PCDHGA5: variants seen among roughly 807,000 people sequenced by gnomAD.
The protein encoded by PCDHGA5 is protocadherin gamma-A5.
PCDHGA5 carries 36 observed loss-of-function variants against 56.7 expected under a neutral mutation model. The ratio of observed to expected loss-of-function variants is 0.64; its 90% confidence interval spans 0.49 to 0.84. The LOEUF (loss-of-function observed/expected upper bound fraction) is 0.84, where lower values mean the gene tolerates loss of function less well. Ranked by LOEUF, PCDHGA5 falls within the 40% of genes least tolerant of loss-of-function variation. The pLI, the probability that PCDHGA5 is intolerant of heterozygous loss-of-function variation, is 0.00. For synonymous variants in PCDHGA5, 563 were observed against 520.2 expected, an observed-to-expected ratio of 1.08 and a Z score of -1.12; for missense variants, 1,305 against 1,201.5, an observed-to-expected ratio of 1.09 and a Z score of -1.27.
At chr5:141,375,620 A>T in intron 1 of PCDHGA5, 1 of 1,614,156 alleles carries the variant, frequency 6.2e-7, no homozygotes, top group African/African-American at 1.3e-5. Flanking sequence ...CGACACTGGG[A>T]TTCTGTACGC....
At chr5:141,478,189 C>T (rs774322691) in intron 1 of PCDHGA5, 1 of 1,614,020 alleles carries the variant, frequency 6.2e-7, no homozygotes, top group South Asian at 1.1e-5. Context: ...AAAATCTCAC[C>T]TTTTATCTAC....
intron 1 of PCDHGA5, among the ~76,000 whole-genome samples, chr5:141,494,496 T>A (rs147870810): frequency 2.9e-3 from 442 of 152,264 alleles, no homozygotes; most frequent in Non-Finnish European, 4.9e-3. Flanking sequence ...ATGCCTTCAG[T>A]CCTTGAATTT....
intron 1 of PCDHGA5, chr5:141,394,850 G>A (rs778925348): frequency 1.1e-5 from 17 of 1,613,702 alleles, no homozygotes; most frequent in Non-Finnish European, 1.4e-5. Context: ...GCAGTCTGAA[G>A]CCTTCGGTCG....
At chr5:141,428,184 C>A in intron 1 of PCDHGA5, 32 of 1,463,670 alleles carry the variant, frequency 2.2e-5, no homozygotes, top group Non-Finnish European at 3.0e-5. Context: ...GGAGGACAGC[C>A]GCCGCTCTCT....
chr5:141,492,050 C>CT, intron 1 of PCDHGA5: 1 of 501,102 alleles, frequency 2.0e-6, no homozygotes, highest in Non-Finnish European at 3.5e-6. Flanking sequence ...AGATCCACCC[C>CT]TGCAGCCAGC....
chr5:141,397,992 C>T (rs1449951628), intron 1 of PCDHGA5: 3 of 1,349,734 alleles, frequency 2.2e-6, no homozygotes, highest in Non-Finnish European at 3.0e-6. Context: ...ACACCGCTTC[C>T]TCCTCGGAAA....
intron 1 of PCDHGA5, among the ~76,000 whole-genome samples, chr5:141,381,953 C>T (rs1588910432): frequency 1.3e-5 from 2 of 151,114 alleles, no homozygotes; most frequent in South Asian, 2.1e-4. Context: ...CCTCAGCCTC[C>T]TGAGTAGCTG....
At chr5:141,420,228 G>C (rs750839002) in intron 1 of PCDHGA5, 3 of 1,603,310 alleles carry the variant, frequency 1.9e-6, no homozygotes, top group Non-Finnish European at 2.6e-6. Flanking sequence ...CTACTGGCTA[G>C]CATTTTAACT....
intron 1 of PCDHGA5, chr5:141,404,904 AG>A: frequency 3.1e-6 from 5 of 1,613,864 alleles, no homozygotes; most frequent in Non-Finnish European, 4.2e-6. Flanking sequence ...GACCATGGCC[AG>A]CCCCCTCTCT....
chr5:141,369,665 A>T (rs1322092427), intron 1 of PCDHGA5, among the ~76,000 whole-genome samples: 1 of 152,242 alleles, frequency 6.6e-6, no homozygotes, highest in Non-Finnish European at 1.5e-5. Context: ...AAGATAAAAG[A>T]GAAGAAAGTG....
At chr5:141,386,663 G>A (rs532080624) in intron 1 of PCDHGA5, among the ~76,000 whole-genome samples, 7 of 151,932 alleles carry the variant, frequency 4.6e-5, no homozygotes, top group Non-Finnish European at 1.0e-4. Flanking sequence ...GTTCTGCAGT[G>A]TTCACATTTC....
Position 141,388,273 on chromosome 5 carries a change from C to T in PCDHGA5, c.2421+21522C>T. On this transcript the variant is annotated intron_variant, in intron 1 of 3. Coordinates refer to ENST00000518069, the MANE Select transcript of PCDHGA5 (RefSeq NM_018918.3). ...GAGATCGAGGACATTAATGACCACA[C>T]GCCAAAATTCACGCAAAATTCCTTT... The T allele has an allele frequency of 3.1e-6, 5 of 1,597,470 alleles. No homozygotes were observed. Among genetic ancestry groups the T allele is most frequent in the Non-Finnish European group, 4.3e-6 (5 of 1,172,964 alleles).
Position 141,476,239 on chromosome 5 carries a change from A to T in PCDHGA5, c.2422-18568A>T. ...TTCACTATGAGATCCCGGAGGAAAG[A>T]GAGAAGGGTTTCGCTGTGGGCAACG... is the stretch of plus-strand genomic sequence containing the variant. On this transcript the variant is annotated intron_variant, in intron 1 of 3. Coordinates refer to ENST00000518069, the MANE Select transcript of PCDHGA5 (RefSeq NM_018918.3). This position sits in a 1 kb window ranked among gnomAD's most constrained non-coding sequence, Gnocchi z 7.6. 1 of 1,613,826 alleles carries T rather than the reference A, an allele frequency of 6.2e-7. No homozygotes were observed. Among genetic ancestry groups the T allele is most frequent in the Non-Finnish European group, 8.5e-7 (1 of 1,179,996 alleles).
rs573137440 is a variant in PCDHGA5 at position 141,365,509 on chromosome 5, A to G, written c.1179A>G (p.Lys393=). 14 of 1,613,912 alleles carry G rather than the reference A, an allele frequency of 8.7e-6. No individual in the cohort carries two copies. The East Asian group carries it at 2.9e-4, about 33-fold the overall frequency. Residue 393 remains lysine (K), a synonymous_variant, in exon 1 of 4, where the codon AAA becomes AAG. Transcript: ENST00000518069. ...ACSIPRNLPF[K]LEKSVDNYYH... ...CTATTCCTAGGAATTTGCCTTTTAA[A>G]TTGGAGAAGTCAGTTGATAATTACT...
chr5:141,458,464 G>A (rs1035826436), intron 1 of PCDHGA5, among the ~76,000 whole-genome samples: 30 of 152,030 alleles, frequency 2.0e-4, no homozygotes, highest in Admixed American at 9.8e-4. Flanking sequence ...TTAAAATACC[G>A]TACAACTGCA....
At chr5:141,478,412 TC>T in intron 1 of PCDHGA5, 2 of 1,611,958 alleles carry the variant, frequency 1.2e-6, no homozygotes, top group Non-Finnish European at 1.7e-6. Flanking sequence ...CACCACGGAC[TC>T]CCGCCGCAGC....
chr5:141,402,281 C>A (rs1589453227), intron 1 of PCDHGA5, among the ~76,000 whole-genome samples: 1 of 151,846 alleles, frequency 6.6e-6, no homozygotes, highest in African/African-American at 2.4e-5. Flanking sequence ...AGTGGATAAT[C>A]TATCCTTATA....
At chr5:141,376,267 G>T (rs1021502624) in intron 1 of PCDHGA5, 2 of 1,614,210 alleles carry the variant, frequency 1.2e-6, no homozygotes. Flanking sequence ...TGCAGGCTTC[G>T]GGAGGTGGCT....
Position 141,491,713 on chromosome 5 carries a change from G to A in PCDHGA5, c.2422-3094G>A. On this transcript the variant is annotated intron_variant, in intron 1 of 3. Transcript: ENST00000518069. This position sits in a 1 kb window ranked among gnomAD's most constrained non-coding sequence, Gnocchi z 6.9. ...GGAGCGGAGCCAGGTGAGGGGCTCG[G>A]CGCCGCCCCGGGCGACCCCTGGGGG... The A allele has an allele frequency of 1.9e-6, 3 of 1,609,174 alleles. No individual in the cohort carries two copies. Among genetic ancestry groups the A allele is most frequent in the Non-Finnish European group, 2.5e-6 (3 of 1,178,054 alleles).
Sources: allele counts gnomAD v4.1 joint callset (sites outside exome capture counted in the v4.1 genomes callset), GRCh38; gene constraint gnomAD v4.1.1; non-coding constraint Gnocchi (gnomAD v3.1); transcripts MANE v1.5; gene names NCBI Gene and HGNC (gene_info 2026-07-23, HGNC 2026-07-21).